RBPJ: variants seen among roughly 807,000 people sequenced by gnomAD.
RBPJ encodes recombination signal binding protein for immunoglobulin kappa J region.
A neutral mutation model predicts 67.8 loss-of-function variants in RBPJ; 9 were observed. The ratio of observed to expected loss-of-function variants is 0.13; its 90% CI spans 0.08 to 0.23. RBPJ has a LOEUF of 0.23. Among genes scored for constraint, RBPJ ranks in the 10% least tolerant of loss-of-function variants. The pLI is 1.00. For synonymous variants in RBPJ, 198 were observed against 203.3 expected (o/e 0.97, Z 0.22); for missense variants, 305 against 595.6 (o/e 0.51, Z 5.08).
chr4:26,248,098 C>G (rs1719987425), intron 1 of RBPJ, among the ~76,000 whole-genome samples: 1 of 152,158 alleles, frequency 6.6e-6, no homozygotes, highest in South Asian at 2.1e-4. Context: ...TGAGACCAGC[C>G]TGGCCAACAT....
At position 26,432,012 on chromosome 4, in the gene RBPJ, T is replaced by A. The variant is rs1477744386; in HGVS notation, c.*1005T>A. ...AGGTGTGTTCCAGGATTTGTTCAGG[T>A]TTTTCCCCCCTCCTAATCTTGTACA... On this transcript the variant is annotated 3_prime_UTR_variant, in exon 11 of 11. Transcript: ENST00000355476. 6.6e-6 allele frequency: 1 copy of A among 152,176 alleles called. No individual in the cohort carries two copies. Among genetic ancestry groups the A allele is most frequent in the African/African-American group, 2.4e-5 (1 of 41,448 alleles). The allele number at this position is 152,176 out of a possible 1,614,324, so 9.4% of individuals were successfully genotyped here.
At chr4:26,344,666 A>G (rs1393202335) in intron 1 of RBPJ, among the ~76,000 whole-genome samples, 1 of 152,238 alleles carries the variant, frequency 6.6e-6, no homozygotes, top group East Asian at 1.9e-4. Context: ...AAATAATCCT[A>G]GAAATGACTT....
chr4:26,216,472 A>G (rs1718726157), intron 1 of RBPJ, among the ~76,000 whole-genome samples: 1 of 152,132 alleles, frequency 6.6e-6, no homozygotes, highest in East Asian at 1.9e-4. Context: ...AAGAGAAAGC[A>G]TGGAACATCC....
intron 1 of RBPJ, among the ~76,000 whole-genome samples, chr4:26,359,412 C>CT (rs1491585189): frequency 6.7e-5 from 6 of 88,938 alleles, no homozygotes; most frequent in East Asian, 3.1e-4. Flanking sequence ...ATAACACCTT[C>CT]ATTTTTTTTT....
At chr4:26,417,541 A>G (rs527452957) in intron 4 of RBPJ, among the ~76,000 whole-genome samples, 109 of 152,304 alleles carry the variant, frequency 7.2e-4, no homozygotes, top group African/African-American at 2.4e-3. Context: ...CCAAAATTAT[A>G]TGTTAATATT....
At chr4:26,319,648 T>A (rs868563417), upstream of RBPJ, 85 of 627,226 alleles carry the variant, frequency 1.4e-4, no homozygotes, top group African/African-American at 1.4e-3. Flanking sequence ...GGCCGTGTTG[T>A]GTCTGAGCCG....
At chr4:26,252,491 C>A (rs1720147691) in intron 1 of RBPJ, among the ~76,000 whole-genome samples, 1 of 152,044 alleles carries the variant, frequency 6.6e-6, no homozygotes, top group South Asian at 2.1e-4. Context: ...AAGGCTGAGG[C>A]AGGAGAATCG....
chr4:26,252,146 A>G (rs527741479), intron 1 of RBPJ, among the ~76,000 whole-genome samples: 3 of 151,730 alleles, frequency 2.0e-5, no homozygotes, highest in African/African-American at 7.3e-5. Context: ...GTATGTCGGC[A>G]TGAAGTTTGA....
At chr4:26,158,186 C>T in the RBPJ span, among the ~76,000 whole-genome samples, 1 of 152,264 alleles carries the variant, frequency 6.6e-6, no homozygotes, top group East Asian at 1.9e-4. Context: ...AGGCTCCCAG[C>T]AGCCCTGCTA....
chr4:26,319,988 G>A, upstream of RBPJ: 2 of 1,043,604 alleles, frequency 1.9e-6, no homozygotes, highest in East Asian at 2.6e-5. Context: ...CGCCTGAAGC[G>A]CGATTCGGGC....
chr4:26,222,695 A>T (rs1413356008), intron 1 of RBPJ, among the ~76,000 whole-genome samples: 1 of 149,824 alleles, frequency 6.7e-6, no homozygotes, highest in Admixed American at 6.7e-5. Context: ...AAAGAAAAAG[A>T]ACAGATGAAC....
intron 1 of RBPJ, among the ~76,000 whole-genome samples, chr4:26,244,591 A>G (rs1288761442): frequency 6.6e-6 from 1 of 152,134 alleles, no homozygotes; most frequent in East Asian, 1.9e-4. Context: ...TTAAAATTAT[A>G]ATTTTGTAAA....
At chr4:26,231,884 T>C (rs912654719) in intron 1 of RBPJ, among the ~76,000 whole-genome samples, 1 of 150,950 alleles carries the variant, frequency 6.6e-6, no homozygotes, top group African/African-American at 2.4e-5. Flanking sequence ...AATTTTTATT[T>C]ATTTTTATTT....
chr4:26,320,234 G>C (rs1209419956), upstream of RBPJ, among the ~76,000 whole-genome samples: 2 of 152,228 alleles, frequency 1.3e-5, no homozygotes, highest in African/African-American at 4.8e-5. Context: ...ACTACTCCGC[G>C]CTCTGGCGTG....
chr4:26,270,413 GAAAGAAAGAAAGAAAGAAAGAAA>G (rs1560237889), intron 1 of RBPJ, among the ~76,000 whole-genome samples: 2 of 55,822 alleles, frequency 3.6e-5, no homozygotes, highest in Admixed American at 2.5e-4. Flanking sequence ...AAGAAAGAAA[GAAAGAAAGAAAGAAAGAAAGAAA>G]GAAGAAAGAA....
intron 1 of RBPJ, among the ~76,000 whole-genome samples, chr4:26,217,194 TAA>T (rs1422044248): frequency 6.6e-6 from 1 of 152,192 alleles, no homozygotes; most frequent in African/African-American, 2.4e-5. Context: ...AGGCAATATG[TAA>T]AGACCATGCC....
At chr4:26,252,025 A>T (rs1720132090) in intron 1 of RBPJ, among the ~76,000 whole-genome samples, 1 of 152,060 alleles carries the variant, frequency 6.6e-6, no homozygotes, top group Non-Finnish European at 1.5e-5. Context: ...GTCATTTTTA[A>T]ACTTGTTTTG....
At chr4:26,243,184 G>T (rs547148170) in intron 1 of RBPJ, among the ~76,000 whole-genome samples, 1 of 152,092 alleles carries the variant, frequency 6.6e-6, no homozygotes, top group Non-Finnish European at 1.5e-5. Flanking sequence ...CTGAGATCAC[G>T]CCACTGCACT....
the RBPJ span, among the ~76,000 whole-genome samples, chr4:26,128,961 A>G: frequency 6.6e-6 from 1 of 152,342 alleles, no homozygotes; most frequent in South Asian, 2.1e-4. Flanking sequence ...CTCCCCAGCT[A>G]CGTGGAACTA....
Sources: allele counts gnomAD v4.1 joint callset (sites outside exome capture counted in the v4.1 genomes callset), GRCh38; gene constraint gnomAD v4.1.1; transcripts MANE v1.5; gene names NCBI Gene and HGNC (gene_info 2026-07-23, HGNC 2026-07-21).